Variants in TRDN observed in about 807,000 individuals in gnomAD.
TRDN encodes triadin in skeletal muscle.
In TRDN, 161 loss-of-function variants were observed where a neutral mutation model predicts 149.7. The observed-to-expected ratio is 1.08, with a 90% CI of 0.95 to 1.23. TRDN has a LOEUF of 1.23. TRDN is among the 50% of genes most tolerant of loss of function. The pLI is 0.00. For synonymous variants in TRDN, 294 were observed against 250.5 expected, an observed-to-expected ratio of 1.17 and a Z score of -1.64; for missense variants, 896 against 823.5, an observed-to-expected ratio of 1.09 and a Z score of -1.08.
At chr6:123,255,168 G>A (rs1776514099) in intron 36 of TRDN, 43 bp from the exon 37 acceptor site, 1 of 940,528 alleles carries the variant, frequency 1.1e-6, no homozygotes, top group East Asian at 2.8e-5. Flanking sequence ...AATTTTTAAA[G>A]TAAATTTCCA....
rs560477869 is a variant in TRDN at position 123,235,017 on chromosome 6, C to T, written c.1976-10886G>A. Among the ~76,000 whole-genome samples, 6 of 152,170 alleles carry T rather than the reference C, an allele frequency of 3.9e-5. No homozygotes were observed. In the South Asian group the frequency reaches 1.2e-3, roughly 32 times the overall value. The stretch of plus-strand genomic sequence containing the variant: ...AGCAGTAGAGATCTTAAATTTCCTT[C>T]ATATTTCTCCCCCCAAAATGGATAG... On this transcript the variant is annotated intron_variant, in intron 38 of 40. Coordinates refer to ENST00000334268, the MANE Select transcript of TRDN (RefSeq NM_006073.4).
rs2114606824 is a variant in TRDN at position 123,267,739 on chromosome 6, T to A, written c.1751A>T (p.His584Leu). The A allele has an allele frequency of 6.3e-7, 1 of 1,577,330 alleles. No individual in the cohort carries two copies. Among genetic ancestry groups the A allele is most frequent in the East Asian group, 2.3e-5 (1 of 43,520 alleles). Residue 584 changes from histidine to leucine, a missense_variant, in exon 32 of 41, where the codon CAT (histidine) becomes CTT (leucine). By Grantham distance (99) the His-to-Leu change is moderately conservative. Coordinates refer to ENST00000334268, the MANE Select transcript of TRDN (RefSeq NM_006073.4). ...TATAGATGGAGGTTCTCTTTCTCGA[T>A]GTTCAGCTTTTTCTAGAGAAAGAAA... ...AKPKPTKKAE[H>L]REREPPSIKT... is the part of the protein sequence containing the mutation.
At chr6:123,280,105 C>T (rs985364405) in intron 24 of TRDN, among the ~76,000 whole-genome samples, 7 of 152,072 alleles carry the variant, frequency 4.6e-5, no homozygotes, top group South Asian at 2.1e-4. Flanking sequence ...AATGAGTTGC[C>T]TAGCAAATCA....
At chr6:123,269,944 T>C in intron 30 of TRDN, 78 bp from the exon 31 acceptor site, 3 of 1,398,520 alleles carry the variant, frequency 2.1e-6, no homozygotes, top group Non-Finnish European at 2.9e-6. Context: ...GTATTTGTAT[T>C]TACTTATTCT....
At chr6:123,583,074 G>A (rs1010064529) in intron 1 of TRDN, among the ~76,000 whole-genome samples, 3 of 152,186 alleles carry the variant, frequency 2.0e-5, no homozygotes, top group African/African-American at 7.2e-5. Flanking sequence ...GATGACTCAG[G>A]ACATCTGCTT....
chr6:123,313,183 C>G (rs746905575), intron 24 of TRDN, among the ~76,000 whole-genome samples: 1 of 151,938 alleles, frequency 6.6e-6, no homozygotes, highest in Non-Finnish European at 1.5e-5. Context: ...TCAGCTCCTA[C>G]AATGTTTTAC....
At position 123,366,171 on chromosome 6, in the gene TRDN, C is replaced by G. The variant is rs1318215796; in HGVS notation, c.1285G>C (p.Ala429Pro). 6.2e-7 allele frequency: 1 copy of G among 1,612,868 alleles called. No homozygotes were observed. The highest frequency in any genetic ancestry group is 1.3e-5 in the African/African-American group (1 of 75,026). The change falls in exon 20 of 41, where the codon GCC becomes CCC. Residue 429 changes from alanine (A) to proline (P), a missense_variant. Physicochemically the swap from Ala to Pro is conservative, Grantham distance 27 (BLOSUM62 -1). Coordinates refer to ENST00000334268, the MANE Select transcript of TRDN (RefSeq NM_006073.4). Reference protein sequence around the residue: ...DKQVKAKTERAKEEIGAVSIK... With the variant: ...DKQVKAKTERPKEEIGAVSIK... ...GAAACCGCACCAATCTCCTCTTTGG[C>G]TCGTTCAGTTTCTGCAAGTTCAGAT...
At chr6:123,370,691 C>T (rs1781290656) in intron 19 of TRDN, among the ~76,000 whole-genome samples, 1 of 152,100 alleles carries the variant, frequency 6.6e-6, no homozygotes, top group African/African-American at 2.4e-5. Context: ...GTTTCTTTTG[C>T]TCCGTATCAC....
Position 123,260,642 on chromosome 6 carries a change from T to TAC in TRDN, c.1805-5_1805-4insGT. On this transcript the variant is annotated splice_polypyrimidine_tract_variant and splice_region_variant and intron_variant, in intron 33 of 40. Transcript: ENST00000334268. ...TCTGTGACTTCTGATGTTCCTTCTT[T>TAC]AGAAAAAAAAAAAAAAAGAATGTAG... 67 of 916,030 alleles carry TAC rather than the reference T, an allele frequency of 7.3e-5. No individual in the cohort carries two copies. The highest frequency in any genetic ancestry group is 8.5e-5 in the Non-Finnish European group (62 of 730,420). 56.7% of individuals were successfully genotyped at this position (916,030 alleles called of 1,614,324 possible). A position where few individuals can be genotyped will look rare whatever the true frequency, so the allele number is the denominator to read the frequency against.
intron 21 of TRDN, chr6:123,349,891 C>T (rs1048949561): frequency 1.2e-5 from 12 of 985,152 alleles, no homozygotes; most frequent in Non-Finnish European, 1.4e-5. Context: ...TTGGGTTTTG[C>T]CTGGTGTTGT....
intron 38 of TRDN, among the ~76,000 whole-genome samples, chr6:123,244,681 A>T (rs1206147601): frequency 1.3e-3 from 191 of 152,300 alleles, no homozygotes; most frequent in African/African-American, 4.0e-3. Context: ...TCATGATATT[A>T]TCCAGGAGAA....
intron 22 of TRDN, among the ~76,000 whole-genome samples, chr6:123,335,085 T>G (rs1211767047): frequency 6.6e-6 from 1 of 151,976 alleles, no homozygotes; most frequent in Non-Finnish European, 1.5e-5. Flanking sequence ...ACAATAACAC[T>G]GCAGAGGCTT....
chr6:123,411,292 G>A (rs1034888191), intron 12 of TRDN, among the ~76,000 whole-genome samples: 1 of 151,952 alleles, frequency 6.6e-6, no homozygotes, highest in African/African-American at 2.4e-5. Context: ...TGATCCGCCT[G>A]CCTCGGCTTC....
At chr6:123,603,636 AC>A (rs1784381616) in intron 1 of TRDN, among the ~76,000 whole-genome samples, 1 of 152,132 alleles carries the variant, frequency 6.6e-6, no homozygotes, top group Non-Finnish European at 1.5e-5. Context: ...AATGAAAAAG[AC>A]GGACCTAGAC....
rs927433746 is a variant in TRDN at position 123,217,419 on chromosome 6, A to G, written c.*1182T>C. 6.6e-6 allele frequency: 1 copy of G among 151,980 alleles called. No homozygotes were observed. The highest frequency in any genetic ancestry group is 2.4e-5 in the African/African-American group (1 of 41,428). 9.4% of individuals were successfully genotyped at this position (151,980 alleles called of 1,614,324 possible). A position where few individuals can be genotyped will look rare whatever the true frequency, so the allele number is the denominator to read the frequency against. On this transcript the variant is annotated 3_prime_UTR_variant, in exon 41 of 41. Coordinates refer to ENST00000334268, the MANE Select transcript of TRDN (RefSeq NM_006073.4). ...GTTAATTTGTCATAAGTTCAGTTGC[A>G]ATTGTAAACATGATAAAGGTCACAG...
intron 12 of TRDN, among the ~76,000 whole-genome samples, chr6:123,395,300 C>A (rs993755657): frequency 6.6e-6 from 1 of 152,076 alleles, no homozygotes; most frequent in Non-Finnish European, 1.5e-5. Context: ...TCACACACAC[C>A]TGCAAATTAT....
intron 21 of TRDN, among the ~76,000 whole-genome samples, chr6:123,345,637 C>T (rs941055648): frequency 2.6e-5 from 4 of 152,030 alleles, no homozygotes; most frequent in African/African-American, 9.7e-5. Flanking sequence ...AAATCTGTAG[C>T]TCAATTTAGG....
intron 1 of TRDN, among the ~76,000 whole-genome samples, chr6:123,601,084 G>T (rs932824743): frequency 1.3e-5 from 2 of 151,944 alleles, no homozygotes; most frequent in African/African-American, 2.4e-5. Context: ...ATTTATCTGT[G>T]TTATTATAAA....
intron 38 of TRDN, among the ~76,000 whole-genome samples, chr6:123,249,545 G>A (rs1000933998): frequency 2.0e-5 from 3 of 152,066 alleles, no homozygotes; most frequent in Non-Finnish European, 4.4e-5. Flanking sequence ...CCCATTAAGG[G>A]ATAATTAGAT....
Sources: gnomAD v4.1 joint callset for allele counts (sites outside exome capture counted in the v4.1 genomes callset) on GRCh38, gnomAD v4.1.1 for gene constraint, MANE v1.5 for transcripts, NCBI Gene and HGNC (gene_info 2026-07-23, HGNC 2026-07-21) for gene names.